GEN1: variants seen among roughly 807,000 people sequenced by gnomAD.
GEN1 encodes the protein GEN1 structure-specific endonuclease, also known as flap endonuclease GEN homolog 1.
A neutral mutation model predicts 67.6 loss-of-function variants in GEN1; 64 were observed. The ratio of observed to expected loss-of-function variants is 0.95; its 90% confidence interval spans 0.77 to 1.17. GEN1 has a LOEUF of 1.17. Ranked by LOEUF, GEN1 falls within the 50% of genes most tolerant of loss-of-function variation. The probability of loss-of-function intolerance (pLI) is 0.00; values close to 1 mark genes in which losing one functional copy is unlikely to be tolerated. For synonymous variants in GEN1, 371 were observed against 359.4 expected, an observed-to-expected ratio of 1.03 and a Z score of -0.37; for missense variants, 1,058 against 1,048.3, an observed-to-expected ratio of 1.01 and a Z score of -0.13.
chr2:17,770,132 A>G (rs1052748613), intron 6 of GEN1, among the ~76,000 whole-genome samples: 22 of 152,180 alleles, frequency 1.4e-4, no homozygotes, highest in African/African-American at 5.1e-4. Flanking sequence ...GGGAATTGTA[A>G]AAAATAATAT....
At chr2:17,774,143 T>C in intron 10 of GEN1, 128 bp from the exon 11 acceptor site, 1 of 421,330 alleles carries the variant, frequency 2.4e-6, no homozygotes, top group South Asian at 6.4e-5. Context: ...TCATTGTTTC[T>C]AGAATATTCT....
Position 17,760,076 on chromosome 2 carries a change from A to G in GEN1, c.133A>G (p.Met45Val). The G allele has an allele frequency of 6.2e-7, 1 of 1,613,998 alleles. No homozygotes were observed. Among genetic ancestry groups the G allele is most frequent in the African/African-American group, 1.3e-5 (1 of 75,024 alleles). Residue 45 changes from methionine to valine, a missense_variant, in exon 2 of 14, where the codon ATG (methionine) becomes GTG (valine). By Grantham distance (21) the Met-to-Val change is conservative (BLOSUM62 1). Coordinates refer to ENST00000381254, the MANE Select transcript of GEN1 (RefSeq NM_001130009.3). ...TGAGGCACAGACAGTCAAAAAAATGATGGGCAGCGTCATGAAGCCCCACCT... is the reference window on the plus strand; with the variant it reads ...TGAGGCACAGACAGTCAAAAAAATGGTGGGCAGCGTCATGAAGCCCCACCT... ...VCEAQTVKKM[M>V]GSVMKPHLRN... is the part of the protein sequence containing the mutation.
In GEN1 at chr2:17,785,272, G is replaced by A. The variant is rs1035475322; in HGVS notation, c.*3333G>A. 2 of 152,140 alleles carry A rather than the reference G, an allele frequency of 1.3e-5. No individual in the cohort carries two copies. The highest frequency in any genetic ancestry group is 2.9e-5 in the Non-Finnish European group (2 of 68,036). 9.4% of individuals were successfully genotyped at this position (152,140 alleles called of 1,614,324 possible). On this transcript the variant is annotated 3_prime_UTR_variant, in exon 14 of 14. Transcript: ENST00000381254. The stretch of plus-strand genomic sequence containing the variant: ...AAAATTATAGTTCCTCCTCCTCAAG[G>A]ATTTCTCTGTTTTCATTGTCCAGGT...
intron 12 of GEN1, 134 bp downstream of exon 12, chr2:17,778,197 CA>C: frequency 6.0e-6 from 2 of 335,746 alleles, no homozygotes; most frequent in South Asian, 7.4e-5. Flanking sequence ...TACACACACA[CA>C]TATATGTGTA....
At position 17,785,767 on chromosome 2, in the gene GEN1, A is replaced by C. The variant is rs1673036814; in HGVS notation, c.*3828A>C. ...AAATCAGTGGGGCCTGGTGGCGTGC[A>C]CCTGTAATCCCAGCTACTCGGGAAG... is the stretch of plus-strand genomic sequence containing the variant. On this transcript the variant is annotated 3_prime_UTR_variant, in exon 14 of 14. Coordinates refer to ENST00000381254, the MANE Select transcript of GEN1 (RefSeq NM_001130009.3). 2 of 152,310 alleles carry C rather than the reference A, an allele frequency of 1.3e-5. No individual in the cohort carries two copies. The allele number at this position is 152,310 out of a possible 1,614,324, so 9.4% of individuals were successfully genotyped here.
rs368564254 is a variant in GEN1 at position 17,765,038 on chromosome 2, C to T, written c.490C>T (p.Gln164Ter). The change falls in exon 4 of 14, where the codon CAG (glutamine) becomes TAG (stop). Residue 164 changes from glutamine (Q) to a stop codon, truncating the protein, a stop_gained. Transcript: ENST00000381254. LOFTEE classifies it high-confidence loss of function. ...TGGAGATACTTTCCTTTATGGGGCCCAGACTGTTTACAGGAATTTCACTAT... is the reference window on the plus strand; with the variant it reads ...TGGAGATACTTTCCTTTATGGGGCCTAGACTGTTTACAGGAATTTCACTAT... The part of the protein sequence containing the change: ...NDGDTFLYGA[Q>*]TVYRNFTMNT... 50 of 1,613,990 alleles carry T rather than the reference C, an allele frequency of 3.1e-5. No homozygotes were observed. Among genetic ancestry groups the T allele is most frequent in the African/African-American group, 4.0e-5 (3 of 74,908 alleles).
Position 17,781,047 on chromosome 2 carries a change from C to T in GEN1, c.1835C>T (p.Ser612Leu). 1 of 1,613,896 alleles carries T rather than the reference C, an allele frequency of 6.2e-7. No homozygotes were observed. The highest frequency in any genetic ancestry group is 8.5e-7 in the Non-Finnish European group (1 of 1,179,842). Residue 612 changes from serine to leucine, a missense_variant, in exon 14 of 14, where the codon TCA becomes TTA. By Grantham distance (145) the Ser-to-Leu change is moderately radical. Transcript: ENST00000381254. ...AATACTTTTTCTCATGATTTAAAAT[C>T]AGAAGTTGAATCAGAGCTATCAGCC... Reference protein sequence around the residue: ...QRNTFSHDLKSEVESELSAIP... With the variant: ...QRNTFSHDLKLEVESELSAIP...
At position 17,780,989 on chromosome 2, in the gene GEN1, A is replaced by C. The variant is rs1237540518; in HGVS notation, c.1777A>C (p.Thr593Pro). 4.3e-6 allele frequency: 7 copies of C among 1,613,410 alleles called. No homozygotes were observed. The highest frequency in any genetic ancestry group is 5.9e-6 in the Non-Finnish European group (7 of 1,179,548). Residue 593 changes from threonine to proline, a missense_variant, in exon 14 of 14, where the codon ACT (threonine) becomes CCT (proline). Coordinates refer to ENST00000381254, the MANE Select transcript of GEN1 (RefSeq NM_001130009.3). ...LHLSTIDWEG[T>P]SFSNSPAIQR... is the part of the protein sequence containing the mutation. Reference sequence around the variant, plus strand: ...CTTGAGCACTATTGACTGGGAAGGTACTTCTTTTAGTAATTCTCCAGCTAT... The same window carrying C: ...CTTGAGCACTATTGACTGGGAAGGTCCTTCTTTTAGTAATTCTCCAGCTAT...
chr2:17,776,115 CAAAAAAAA>C (rs34705905), intron 11 of GEN1, among the ~76,000 whole-genome samples: 9 of 80,694 alleles, frequency 1.1e-4, no homozygotes, highest in Admixed American at 1.1e-3. Context: ...GACCCTGTCT[CAAAAAAAA>C]AAAAAAAAAA....
At position 17,787,119 on chromosome 2, in the gene GEN1, A is replaced by G. The variant is rs867942593; in HGVS notation, c.*5180A>G. ...CTTATTGGCTAGATAAACCTCATCT[A>G]TTAAGGACCAGCTCACATGTCATAA... On this transcript the variant is annotated 3_prime_UTR_variant, in exon 14 of 14. Coordinates refer to ENST00000381254, the MANE Select transcript of GEN1 (RefSeq NM_001130009.3). The G allele has an allele frequency of 2.6e-5, 4 of 152,322 alleles. No homozygotes were observed. Among genetic ancestry groups the G allele is most frequent in the Non-Finnish European group, 2.9e-5 (2 of 68,050 alleles). The allele number at this position is 152,322 out of a possible 1,614,324, so 9.4% of individuals were successfully genotyped here. A position where few individuals can be genotyped will look rare whatever the true frequency, so the allele number is the denominator to read the frequency against.
intron 12 of GEN1, 139 bp downstream of exon 12, chr2:17,778,202 A>ATATATATGTATACACACATATG (rs1553331064): frequency 2.7e-5 from 6 of 224,462 alleles, no homozygotes; most frequent in South Asian, 1.2e-4. Flanking sequence ...ACACACATAT[A>ATATATATGTATACACACATATG]TGTGTATATA....
rs759133351 is a variant in GEN1, at chr2:17,781,451, G to T, written c.2239G>T (p.Asp747Tyr). The stretch of plus-strand genomic sequence containing the variant: ...AAAAGGAGACCAGCTGCTTCAAGAA[G>T]ACTATAAAGTCAATACTTCTGTCCC... ...ILKGDQLLQE[D>Y]YKVNTSVPYS... The change falls in exon 14 of 14, where the codon GAC (aspartate) becomes TAC (tyrosine). Residue 747 changes from aspartate (D) to tyrosine (Y), a missense_variant. Coordinates refer to ENST00000381254, the MANE Select transcript of GEN1 (RefSeq NM_001130009.3). The T allele has an allele frequency of 1.9e-6, 3 of 1,613,500 alleles. No individual in the cohort carries two copies. Among genetic ancestry groups the T allele is most frequent in the Admixed American group, 3.3e-5 (2 of 60,016 alleles).
At position 17,784,314 on chromosome 2, in the gene GEN1, A is replaced by G. The variant is rs928264426; in HGVS notation, c.*2375A>G. The G allele has an allele frequency of 2.0e-5, 3 of 152,218 alleles. No homozygotes were observed. Among genetic ancestry groups the G allele is most frequent in the Non-Finnish European group, 4.4e-5 (3 of 68,024 alleles). The allele number at this position is 152,218 out of a possible 1,614,324, so 9.4% of individuals were successfully genotyped here. A position where few individuals can be genotyped will look rare whatever the true frequency, so the allele number is the denominator to read the frequency against. On this transcript the variant is annotated 3_prime_UTR_variant, in exon 14 of 14. Coordinates refer to ENST00000381254, the MANE Select transcript of GEN1 (RefSeq NM_001130009.3). ...GTCTACAATCAAAAAGATAATAACT[A>G]GTATTGATGAGGATGTGGAGAAATT...
chr2:17,779,913 C>G (rs1672745193), intron 12 of GEN1, 65 bp from the exon 13 acceptor site: 2 of 1,349,802 alleles, frequency 1.5e-6, no homozygotes, highest in South Asian at 2.5e-5. Flanking sequence ...AGCCATCAAG[C>G]CTGACCGATT....
At position 17,780,964 on chromosome 2, in the gene GEN1, C is replaced by T. The variant is rs1178420180; in HGVS notation, c.1752C>T (p.His584=). The change falls in exon 14 of 14, where the codon CAC becomes CAT. Residue 584 remains histidine, a synonymous_variant. Transcript: ENST00000381254. ...ATATATCCGTGATTGCTGATCTACACTTGAGCACTATTGACTGGGAAGGTA... is the reference window on the plus strand; with the variant it reads ...ATATATCCGTGATTGCTGATCTACATTTGAGCACTATTGACTGGGAAGGTA... ...SHNISVIADL[H]LSTIDWEGTS... is the part of the protein sequence containing the mutation. 1.2e-6 allele frequency: 2 copies of T among 1,613,396 alleles called. No individual in the cohort carries two copies. Among genetic ancestry groups the T allele is most frequent in the African/African-American group, 2.7e-5 (2 of 74,924 alleles).
At chr2:17,766,822 C>A in intron 5 of GEN1, 133 bp downstream of exon 5, 1 of 542,448 alleles carries the variant, frequency 1.8e-6, no homozygotes, top group African/African-American at 1.9e-5. Context: ...GCATAATAAG[C>A]TATTCAGTGA....
intron 11 of GEN1, 55 bp downstream of exon 11, chr2:17,774,456 T>TTA: frequency 7.1e-7 from 1 of 1,400,796 alleles, no homozygotes; most frequent in Non-Finnish European, 9.6e-7. Flanking sequence ...TATTTTATAA[T>TTA]TAAAATATTC....
In GEN1 at chr2:17,784,093, G is replaced by A. The variant is rs1297138071; in HGVS notation, c.*2154G>A. On this transcript the variant is annotated 3_prime_UTR_variant, in exon 14 of 14. Transcript: ENST00000381254. ...GAGAAAATATTTGCAAATCATAAAT[G>A]TGATAAGGGACTTGTATCTTGGTGG... The A allele has an allele frequency of 6.6e-6, 1 of 152,044 alleles. No homozygotes were observed. Among genetic ancestry groups the A allele is most frequent in the Non-Finnish European group, 1.5e-5 (1 of 68,000 alleles). The allele number at this position is 152,044 out of a possible 1,614,324, so 9.4% of individuals were successfully genotyped here. A position where few individuals can be genotyped will look rare whatever the true frequency, so the allele number is the denominator to read the frequency against.
Position 17,768,821 on chromosome 2 carries a change from A to G in GEN1, c.710+10A>G, listed in dbSNP as rs543236241. On this transcript the variant is annotated intron_variant, in intron 6 of 13. Transcript: ENST00000381254. ...AAAGTTTACTTCAGAGGTAACTAAT[A>G]ATTACTTTCTCTTGTGACATTGAAC... 29 of 1,504,198 alleles carry G rather than the reference A, an allele frequency of 1.9e-5. No individual in the cohort carries two copies. The South Asian group carries it at 3.2e-4, about 16-fold the overall frequency. 93.2% of individuals were successfully genotyped at this position (1,504,198 alleles called of 1,614,324 possible). A position where few individuals can be genotyped will look rare whatever the true frequency, so the allele number is the denominator to read the frequency against.
Sources: gnomAD v4.1 joint callset for allele counts (sites outside exome capture counted in the v4.1 genomes callset) on GRCh38, gnomAD v4.1.1 for gene constraint, MANE v1.5 for transcripts, NCBI Gene and HGNC (gene_info 2026-07-23, HGNC 2026-07-21) for gene names.